Variants in CDCA8 observed in about 807,000 individuals in gnomAD.
CDCA8 encodes cell division cycle associated 8, also known as borealin.
In CDCA8, 25 loss-of-function variants were observed where a neutral mutation model predicts 40.0. The ratio of observed to expected loss-of-function variants is 0.63; its 90% confidence interval spans 0.46 to 0.87. The LOEUF is 0.87. Ranked by LOEUF, CDCA8 falls within the 40% of genes least tolerant of loss-of-function variation. CDCA8 has a pLI of 0.00. For missense variants in CDCA8, 280 were observed against 348.4 expected, an observed-to-expected ratio of 0.80 and a Z score of 1.56; for synonymous variants, 111 against 126.5, an observed-to-expected ratio of 0.88 and a Z score of 0.82.
rs71690196 is a variant in CDCA8, at chr1:37,695,368, TAAAAAAAAAAA to T, written c.224-528_224-518del. On this transcript the variant is annotated intron_variant, in intron 2 of 9. Transcript: ENST00000373055. The stretch of plus-strand genomic sequence containing the variant: ...CATAGCAGGAGACCACATCTCTACT[TAAAAAAAAAAA>T]AAAAAAAAAAAAAGACAACCTGGAC... Among the ~76,000 whole-genome samples the T allele has an allele frequency of 4.9e-3, 372 of 76,468 alleles. 4 individuals carry two copies. Among genetic ancestry groups the T allele is most frequent in the African/African-American group, 0.017 (324 of 19,454 alleles). The allele number at this position is 76,468 out of a possible 152,430, so 50.2% of individuals were successfully genotyped here. A position where few individuals can be genotyped will look rare whatever the true frequency, so the allele number is the denominator to read the frequency against.
At chr1:37,704,636 CTTTTTTTTTTTTTT>C (rs145718694) in intron 7 of CDCA8, among the ~76,000 whole-genome samples, 1 of 86,456 alleles carries the variant, frequency 1.2e-5, no homozygotes, top group Non-Finnish European at 2.1e-5. Context: ...TTAATTGCCA[CTTTTTTTTTTTTTT>C]TTTTTTTTTT....
In CDCA8 at chr1:37,708,451, T is replaced by C. The variant is rs1046229615; in HGVS notation, c.*85T>C. 4 of 1,320,984 alleles carry C rather than the reference T, an allele frequency of 3.0e-6. No homozygotes were observed. In the Admixed American group the frequency reaches 6.8e-5, roughly 23 times the overall value. The allele number at this position is 1,320,984 out of a possible 1,614,324, so 81.8% of individuals were successfully genotyped here. A position where few individuals can be genotyped will look rare whatever the true frequency, so the allele number is the denominator to read the frequency against. ...CTTCCCTTCAGGCTTATTGTTTGAG[T>C]GTGAAGTTCCAGAGCAAGGAGCCAT... is the stretch of plus-strand genomic sequence containing the variant. On this transcript the variant is annotated 3_prime_UTR_variant, in exon 10 of 10. Transcript: ENST00000373055.
At chr1:37,695,702 A>G (rs1355528478) in intron 2 of CDCA8, among the ~76,000 whole-genome samples, 1 of 152,230 alleles carries the variant, frequency 6.6e-6, no homozygotes, top group East Asian at 1.9e-4. Flanking sequence ...GGTGAATTTC[A>G]GGCAGAGGAA....
chr1:37,709,383 G>C lies in CDCA8; in HGVS notation c.*1017G>C, dbSNP rs1645624295. Reference sequence around the variant, plus strand: ...CCTGGGGCATGGACTTTGTTAAGCAGAGTCAGCAGTGAGGTCCTCATTCTC... The same window carrying C: ...CCTGGGGCATGGACTTTGTTAAGCACAGTCAGCAGTGAGGTCCTCATTCTC... On this transcript the variant is annotated 3_prime_UTR_variant, in exon 10 of 10. Transcript: ENST00000373055. 1 of 152,184 alleles carries C rather than the reference G, an allele frequency of 6.6e-6. No individual in the cohort carries two copies. Among genetic ancestry groups the C allele is most frequent in the South Asian group, 2.1e-4 (1 of 4,824 alleles). 9.4% of individuals were successfully genotyped at this position (152,184 alleles called of 1,614,324 possible).
intron 2 of CDCA8, 125 bp from the exon 3 acceptor site, chr1:37,695,785 T>C (rs1346095498): frequency 1.4e-6 from 1 of 699,530 alleles, no homozygotes; most frequent in East Asian, 2.8e-5. Flanking sequence ...AAAGAATAGA[T>C]TAGATGGTGA....
chr1:37,700,643 C>A lies in CDCA8; in HGVS notation c.423+122C>A, dbSNP rs1645557550. 4.0e-5 allele frequency: 27 copies of A among 679,178 alleles called. 1 individual carries two copies. In the South Asian group the frequency reaches 4.3e-4, roughly 11 times the overall value. 42.1% of individuals were successfully genotyped at this position (679,178 alleles called of 1,614,324 possible). On this transcript the variant is annotated intron_variant, in intron 5 of 9. Transcript: ENST00000373055. ...GTAGAGATGATCCTACTTTACATGG[C>A]AATGACAAAAGAGATAATTGACTGG...
At chr1:37,707,212 C>A (rs1645607931) in intron 9 of CDCA8, 148 bp downstream of exon 9, 2 of 623,704 alleles carry the variant, frequency 3.2e-6, no homozygotes, top group Non-Finnish European at 2.9e-6. Flanking sequence ...TGACTCTTAC[C>A]CTACTTAGAT....
Position 37,695,958 on chromosome 1 carries a change from A to T in CDCA8, c.264+8A>T, listed in dbSNP as rs763603672. The T allele has an allele frequency of 6.2e-7, 1 of 1,613,622 alleles. No individual in the cohort carries two copies. Among genetic ancestry groups the T allele is most frequent in the Non-Finnish European group, 8.5e-7 (1 of 1,179,572 alleles). On this transcript the variant is annotated splice_region_variant and intron_variant, in intron 3 of 9. Coordinates refer to ENST00000373055, the MANE Select transcript of CDCA8 (RefSeq NM_001256875.2). ...CTGGAAGAGGCGGCAACAGTAAGTG[A>T]CCTTTCCTATTTTCCAGCCAGTGGT...
chr1:37,703,451 C>CA lies in CDCA8; in HGVS notation c.584+105dup, dbSNP rs1469202144. On this transcript the variant is annotated intron_variant, in intron 7 of 9. Coordinates refer to ENST00000373055, the MANE Select transcript of CDCA8 (RefSeq NM_001256875.2). ...TACTCCTAGGCCAGGCACGGTAGCTCACGCCTGTAATACCAGCACTTTGAG... is the reference window on the plus strand; with the variant it reads ...TACTCCTAGGCCAGGCACGGTAGCTCAACGCCTGTAATACCAGCACTTTGAG... 16 of 856,532 alleles carry CA rather than the reference C, an allele frequency of 1.9e-5. No homozygotes were observed. The African/African-American group carries it at 2.1e-4, about 12-fold the overall frequency. The allele number at this position is 856,532 out of a possible 1,614,324, so 53.1% of individuals were successfully genotyped here.
At chr1:37,705,305 TAAA>T in intron 7 of CDCA8, 133 bp from the exon 8 acceptor site, 18 of 719,252 alleles carry the variant, frequency 2.5e-5, no homozygotes, top group Non-Finnish European at 3.0e-5. Context: ...TTTTTTTTTC[TAAA>T]TTTAGAACGT....
At chr1:37,694,646 A>G (rs1645514517) in intron 2 of CDCA8, among the ~76,000 whole-genome samples, 1 of 152,202 alleles carries the variant, frequency 6.6e-6, no homozygotes, top group Non-Finnish European at 1.5e-5. Context: ...ACATTAACTA[A>G]TTTTTCTTCA....
chr1:37,695,216 T>C (rs1438199105), intron 2 of CDCA8, among the ~76,000 whole-genome samples: 1 of 150,430 alleles, frequency 6.6e-6, no homozygotes, highest in East Asian at 1.9e-4. Context: ...AAAAATAAAT[T>C]TTTAAAAAAG....
At chr1:37,700,094 T>C (rs576865189) in intron 4 of CDCA8, among the ~76,000 whole-genome samples, 1 of 152,298 alleles carries the variant, frequency 6.6e-6, no homozygotes, top group African/African-American at 2.4e-5. Flanking sequence ...TTAATGTCAC[T>C]GTCATTAAGC....
At chr1:37,703,368 T>C (rs781235753) in intron 7 of CDCA8, 21 bp downstream of exon 7, 1 of 1,533,008 alleles carries the variant, frequency 6.5e-7, no homozygotes, top group Non-Finnish European at 9.0e-7. Context: ...AGGGAAACAC[T>C]TGGATTTGAT....
intron 9 of CDCA8, among the ~76,000 whole-genome samples, chr1:37,708,032 C>T (rs1446535054): frequency 2.0e-5 from 3 of 152,172 alleles, no homozygotes; most frequent in African/African-American, 7.2e-5. Context: ...ACCTGTCTTT[C>T]TGAACATAGG....
intron 2 of CDCA8, among the ~76,000 whole-genome samples, chr1:37,693,347 TAC>T: frequency 6.6e-6 from 1 of 152,188 alleles, no homozygotes; most frequent in African/African-American, 2.4e-5. Context: ...TAGTTATGGA[TAC>T]ACTGAAATGT....
chr1:37,708,049 G>A (rs188288263), intron 9 of CDCA8, among the ~76,000 whole-genome samples: 1 of 152,288 alleles, frequency 6.6e-6, no homozygotes, highest in Admixed American at 6.5e-5. Flanking sequence ...TAGGCCCAGT[G>A]CTGAGATCCC....
At chr1:37,700,410 C>T in intron 4 of CDCA8, 26 bp from the exon 5 acceptor site, 2 of 1,344,868 alleles carry the variant, frequency 1.5e-6, no homozygotes, top group Non-Finnish European at 2.1e-6. Flanking sequence ...TCAGAAATAC[C>T]ACCCTGTTGA....
chr1:37,704,744 T>A (rs1645587862), intron 7 of CDCA8, among the ~76,000 whole-genome samples: 1 of 143,378 alleles, frequency 7.0e-6, no homozygotes, highest in South Asian at 2.3e-4. Flanking sequence ...ACCTCTCAGG[T>A]TCAAGCAATT....
Sources: gnomAD v4.1 joint callset for allele counts (sites outside exome capture counted in the v4.1 genomes callset) on GRCh38, gnomAD v4.1.1 for gene constraint, MANE v1.5 for transcripts, NCBI Gene and HGNC (gene_info 2026-07-23, HGNC 2026-07-21) for gene names.